SUGCT: variants seen among roughly 807,000 people sequenced by gnomAD.
SUGCT encodes succinyl-CoA:glutarate-CoA transferase, also known as succinyl-CoA:glutarate CoA-transferase.
SUGCT carries 41 observed loss-of-function variants against 55.0 expected under a neutral mutation model. The observed-to-expected ratio is 0.74, with a 90% CI of 0.58 to 0.97. The LOEUF is 0.97. SUGCT is among the 50% of genes least tolerant of loss of function. SUGCT has a pLI of 0.00. For synonymous variants in SUGCT, 187 were observed against 200.4 expected (o/e 0.93, Z 0.56); for missense variants, 568 against 547.8 (o/e 1.04, Z -0.37).
chr7:40,933,949 G>A, the SUGCT span, among the ~76,000 whole-genome samples: 1 of 152,172 alleles, frequency 6.6e-6, no homozygotes, highest in South Asian at 2.1e-4. Flanking sequence ...ACTCATCAAA[G>A]TCATTCTTCA....
At chr7:40,685,472 AG>A (rs1157786868) in intron 12 of SUGCT, among the ~76,000 whole-genome samples, 1 of 152,140 alleles carries the variant, frequency 6.6e-6, no homozygotes, top group African/African-American at 2.4e-5. Context: ...AAAGATACAT[AG>A]GATATAATTT....
chr7:40,161,412 A>G (rs1378437971), intron 1 of SUGCT, among the ~76,000 whole-genome samples: 2 of 152,002 alleles, frequency 1.3e-5, no homozygotes, highest in East Asian at 1.9e-4. Flanking sequence ...CACACTCTTA[A>G]CACTGCAACA....
intron 8 of SUGCT, among the ~76,000 whole-genome samples, chr7:40,299,870 GTT>G (rs1340543153): frequency 6.6e-6 from 1 of 152,006 alleles, no homozygotes; most frequent in East Asian, 1.9e-4. Context: ...TATCAACAGT[GTT>G]TTAATGTATG....
At chr7:40,661,640 T>C (rs1487038391) in intron 12 of SUGCT, among the ~76,000 whole-genome samples, 1 of 152,172 alleles carries the variant, frequency 6.6e-6, no homozygotes, top group East Asian at 1.9e-4. Flanking sequence ...ACAACTCTAC[T>C]AAAAGCTTTC....
chr7:40,228,877 C>T (rs1246599802), intron 6 of SUGCT, among the ~76,000 whole-genome samples: 1 of 151,940 alleles, frequency 6.6e-6, no homozygotes, highest in Non-Finnish European at 1.5e-5. Context: ...ATTATGAACC[C>T]ACAATATTGA....
the SUGCT span, among the ~76,000 whole-genome samples, chr7:40,915,630 A>T: frequency 6.6e-6 from 1 of 152,178 alleles, no homozygotes; most frequent in Non-Finnish European, 1.5e-5. Context: ...AAGGCAGAGG[A>T]CAGGAGCCAT....
the SUGCT span, among the ~76,000 whole-genome samples, chr7:40,891,410 A>G: frequency 6.6e-6 from 1 of 152,178 alleles, no homozygotes; most frequent in Non-Finnish European, 1.5e-5. Flanking sequence ...AAAGCAGCAC[A>G]AGAGAAGCAA....
chr7:40,807,573 G>T (rs1158228954), intron 13 of SUGCT, among the ~76,000 whole-genome samples: 1 of 152,200 alleles, frequency 6.6e-6, no homozygotes, highest in Non-Finnish European at 1.5e-5. Context: ...TCTACAGGAA[G>T]AAGCTGGACA....
At chr7:40,283,679 T>G (rs1475403379) in intron 8 of SUGCT, among the ~76,000 whole-genome samples, 2 of 152,190 alleles carry the variant, frequency 1.3e-5, no homozygotes, top group African/African-American at 4.8e-5. Flanking sequence ...TAACAAGTGT[T>G]GGTGAGGGTG....
rs1221016611 is a variant in SUGCT at position 40,500,853 on chromosome 7, T to TCA, written c.1089+4480_1089+4481dup. 3.3e-5 allele frequency among the ~76,000 whole-genome samples: 5 copies of TCA among 150,882 alleles called. No homozygotes were observed. The East Asian group carries it at 7.8e-4, about 23-fold the overall frequency. The stretch of plus-strand genomic sequence containing the variant: ...ACAGTTATTTTTCAAGACCTTTCTA[T>TCA]CACACACACACACAGACACGCACAC... On this transcript the variant is annotated intron_variant, in intron 12 of 13. Coordinates refer to ENST00000335693, the MANE Select transcript of SUGCT (RefSeq NM_001193313.2).
intron 12 of SUGCT, among the ~76,000 whole-genome samples, chr7:40,496,736 T>TACCTCTGATCATATGATTATCTTAA (rs145948733): frequency 0.23 from 34,085 of 146,418 alleles, 5,910 homozygotes; most frequent in African/African-American, 0.44. Flanking sequence ...AGAACTTTCA[T>TACCTCTGATCATATGATTATCTTAA]ACCTCTGATC....
At chr7:40,456,513 T>C (rs1789497710) in intron 10 of SUGCT, among the ~76,000 whole-genome samples, 1 of 152,168 alleles carries the variant, frequency 6.6e-6, no homozygotes, top group South Asian at 2.1e-4. Context: ...GTGAAGCTTA[T>C]ATTTTAGCAG....
chr7:40,752,037 A>G (rs2128714028), intron 13 of SUGCT, among the ~76,000 whole-genome samples: 1 of 152,346 alleles, frequency 6.6e-6, no homozygotes. Context: ...TGTCACAAGA[A>G]TGCTGTGTAA....
At chr7:40,553,346 G>A (rs1017461495) in intron 12 of SUGCT, among the ~76,000 whole-genome samples, 2 of 152,196 alleles carry the variant, frequency 1.3e-5, no homozygotes, top group Non-Finnish European at 2.9e-5. Flanking sequence ...TTAGGAAAAT[G>A]TATATGATCT....
intron 9 of SUGCT, among the ~76,000 whole-genome samples, chr7:40,326,760 T>C (rs1796046164): frequency 1.3e-5 from 2 of 152,166 alleles, no homozygotes; most frequent in South Asian, 4.1e-4. Flanking sequence ...TATAGATTCA[T>C]ACTTAACAAA....
chr7:40,976,176 A>G, the SUGCT span, among the ~76,000 whole-genome samples: 2 of 152,184 alleles, frequency 1.3e-5, no homozygotes, highest in East Asian at 1.9e-4. Context: ...AGGTGGGTCT[A>G]TTTACTCTTG....
intron 9 of SUGCT, among the ~76,000 whole-genome samples, chr7:40,397,312 G>T (rs554378212): frequency 6.6e-6 from 1 of 152,252 alleles, no homozygotes; most frequent in East Asian, 1.9e-4. Context: ...TTAAAGCTCA[G>T]CTCTCAAGCC....
chr7:40,177,197 C>T (rs1356187637), intron 1 of SUGCT, among the ~76,000 whole-genome samples: 1 of 152,116 alleles, frequency 6.6e-6, no homozygotes, highest in Non-Finnish European at 1.5e-5. Flanking sequence ...GAAAACCTAA[C>T]TTAGGGGTAT....
At chr7:40,313,787 T>C (rs575126214) in intron 8 of SUGCT, among the ~76,000 whole-genome samples, 5 of 151,904 alleles carry the variant, frequency 3.3e-5, no homozygotes, top group Non-Finnish European at 7.4e-5. Context: ...GAGACAAGGT[T>C]TGCTATGTTG....
Sources: gnomAD v4.1 joint callset for allele counts (sites outside exome capture counted in the v4.1 genomes callset) on GRCh38, gnomAD v4.1.1 for gene constraint, MANE v1.5 for transcripts, NCBI Gene and HGNC (gene_info 2026-07-23, HGNC 2026-07-21) for gene names.